Variants in MYH9 observed in about 807,000 individuals in gnomAD.
The protein encoded by MYH9 is myosin-9.
Under a neutral mutation model 241.9 loss-of-function variants are expected in MYH9, and 29 were observed. That is an observed-to-expected ratio of 0.12 (90% confidence interval 0.09 to 0.16). The LOEUF (loss-of-function observed/expected upper bound fraction) is 0.16. MYH9 is among the 10% of genes least tolerant of loss of function. The pLI is 1.00. For missense variants in MYH9, 1,803 were observed against 2,595.5 expected, an observed-to-expected ratio of 0.69 and a Z score of 6.63; for synonymous variants, 1,047 against 1,062.6, an observed-to-expected ratio of 0.99 and a Z score of 0.29.
At chr22:36,355,000 C>CACACACACACAG (rs3220842) in intron 1 of MYH9, among the ~76,000 whole-genome samples, 1 of 149,798 alleles carries the variant, frequency 6.7e-6, no homozygotes, top group African/African-American at 2.5e-5. Flanking sequence ...CACACACACA[C>CACACACACACAG]AGAGGAAAGA....
chr22:36,285,463 G>A lies in MYH9; in HGVS notation c.5275-134C>T. On this transcript the variant is annotated intron_variant, in intron 37 of 40. Coordinates refer to ENST00000216181, the MANE Select transcript of MYH9 (RefSeq NM_002473.6). The surrounding 1 kb of genome is among the most constrained non-coding windows in gnomAD (Gnocchi z 7.0). ...AGAGTCTTGGGTCTCCCAGAAAAGG[G>A]AAGATTAGAAACTTCTGAACACCCA... 3 of 1,308,374 alleles carry A rather than the reference G, an allele frequency of 2.3e-6. No homozygotes were observed. The highest frequency in any genetic ancestry group is 3.2e-6 in the Non-Finnish European group (3 of 929,426). The allele number at this position is 1,308,374 out of a possible 1,614,324, so 81.0% of individuals were successfully genotyped here.
rs767159531 is a variant in MYH9, at chr22:36,293,227, G to A, written c.4095+102C>T. The A allele has an allele frequency of 1.3e-6, 2 of 1,494,104 alleles. No homozygotes were observed. The highest frequency in any genetic ancestry group is 1.8e-6 in the Non-Finnish European group (2 of 1,088,600). 92.6% of individuals were successfully genotyped at this position (1,494,104 alleles called of 1,614,324 possible). A position where few individuals can be genotyped will look rare whatever the true frequency, so the allele number is the denominator to read the frequency against. ...GGCTTCCCAGGGGGAGAGCAGCAAT[G>A]GGCCGGCCCAGCGGGCAGGGCTGTC... On this transcript the variant is annotated intron_variant, in intron 30 of 40. Transcript: ENST00000216181. The surrounding 1 kb of genome is among the most constrained non-coding windows in gnomAD (Gnocchi z 5.1).
rs773477902 is a variant in MYH9 at position 36,286,702 on chromosome 22, T to C, written c.5061+16A>G. Reference sequence around the variant, plus strand: ...CGCAGGGCAGCGGTGCCGCTCTCCATTGCAGCCCCACCCACCTCCTGCAAC... The same window carrying C: ...CGCAGGGCAGCGGTGCCGCTCTCCACTGCAGCCCCACCCACCTCCTGCAAC... On this transcript the variant is annotated intron_variant, in intron 35 of 40. Coordinates refer to ENST00000216181, the MANE Select transcript of MYH9 (RefSeq NM_002473.6). The C allele has an allele frequency of 1.2e-6, 2 of 1,611,124 alleles. No homozygotes were observed. The highest frequency in any genetic ancestry group is 2.2e-5 in the East Asian group (1 of 44,878).
chr22:36,326,538 G>A (rs751727511), intron 5 of MYH9, 30 bp downstream of exon 5: 16 of 1,597,478 alleles, frequency 1.0e-5, no homozygotes, highest in Admixed American at 8.3e-5. Context: ...CCAAGCAGGC[G>A]GCCACAGGGA....
chr22:36,382,072 C>T (rs774346942), intron 1 of MYH9, among the ~76,000 whole-genome samples: 8 of 152,136 alleles, frequency 5.3e-5, no homozygotes, highest in Non-Finnish European at 1.2e-4. Flanking sequence ...AAGCAATCCT[C>T]CCCCATTGGC....
intron 1 of MYH9, among the ~76,000 whole-genome samples, chr22:36,381,799 G>A (rs1464822948): frequency 6.6e-6 from 1 of 152,150 alleles, no homozygotes; most frequent in Non-Finnish European, 1.5e-5. Context: ...CTGTACAGCT[G>A]TACCATGATT....
chr22:36,298,882 G>GC (rs1569535144), intron 24 of MYH9, 37 bp downstream of exon 24: 3 of 1,611,018 alleles, frequency 1.9e-6, no homozygotes, highest in Admixed American at 1.7e-5. Context: ...TTGCCCGCCA[G>GC]CCCCTGCCCA....
intron 1 of MYH9, among the ~76,000 whole-genome samples, chr22:36,365,617 T>A (rs552655751): frequency 5.3e-4 from 80 of 152,026 alleles, no homozygotes; most frequent in Non-Finnish European, 8.5e-4. Flanking sequence ...TGCACCACCG[T>A]ACCCAGCTAA....
At chr22:36,353,368 CTT>C (rs1011826087) in intron 1 of MYH9, among the ~76,000 whole-genome samples, 1 of 149,782 alleles carries the variant, frequency 6.7e-6, no homozygotes, top group Admixed American at 6.7e-5. Context: ...CTCTTTGAAA[CTT>C]TTTTTTTTGA....
At chr22:36,312,694 A>G (rs1463967024) in intron 13 of MYH9, among the ~76,000 whole-genome samples, 1 of 152,204 alleles carries the variant, frequency 6.6e-6, no homozygotes, top group Non-Finnish European at 1.5e-5. Context: ...CCTTCTGCAC[A>G]CTGAGTTTAC....
Position 36,320,153 on chromosome 22 carries a change from G to A in MYH9, c.1012+67C>T. 1 of 1,551,362 alleles carries A rather than the reference G, an allele frequency of 6.4e-7. No homozygotes were observed. The highest frequency in any genetic ancestry group is 2.2e-5 in the East Asian group (1 of 44,684). ...CCCCAGGCCCATCGGCTACCCTGAT[G>A]CCCCGAGGCCGTGGGTACCAGCCTT... On this transcript the variant is annotated intron_variant, in intron 9 of 40. Coordinates refer to ENST00000216181, the MANE Select transcript of MYH9 (RefSeq NM_002473.6). The surrounding 1 kb of genome is among the most constrained non-coding windows in gnomAD (Gnocchi z 4.8).
rs1201782073 is a variant in MYH9 at position 36,282,520 on chromosome 22, G to T, written c.*148C>A. On this transcript the variant is annotated 3_prime_UTR_variant, in exon 41 of 41. Coordinates refer to ENST00000216181, the MANE Select transcript of MYH9 (RefSeq NM_002473.6). The stretch of plus-strand genomic sequence containing the variant: ...AAATGCCCTCAACAACACCTGGAGG[G>T]AAACGGGATGGGGGGACGGGGCGGA... 5 of 819,766 alleles carry T rather than the reference G, an allele frequency of 6.1e-6. No individual in the cohort carries two copies. Among genetic ancestry groups the T allele is most frequent in the Non-Finnish European group, 8.5e-6 (4 of 469,326 alleles). 50.8% of individuals were successfully genotyped at this position (819,766 alleles called of 1,614,324 possible).
chr22:36,303,945 G>C (rs2016928979), intron 19 of MYH9, 50 bp downstream of exon 19: 2 of 1,606,910 alleles, frequency 1.2e-6, no homozygotes, highest in Non-Finnish European at 8.5e-7. Flanking sequence ...GGCAACAGAA[G>C]GGCGTGGCAA....
At position 36,302,684 on chromosome 22, in the gene MYH9, G is replaced by T. The variant is rs779684452; in HGVS notation, c.2391-8C>A. On this transcript the variant is annotated splice_region_variant and splice_polypyrimidine_tract_variant and intron_variant, in intron 19 of 40. Coordinates refer to ENST00000216181, the MANE Select transcript of MYH9 (RefSeq NM_002473.6). ...TGCCGCTTGGCAAATGCTCTGTGTG[G>T]TGAGGAACATGGTCAGCGCGGAGCA... 1.9e-6 allele frequency: 3 copies of T among 1,612,150 alleles called. No homozygotes were observed. The highest frequency in any genetic ancestry group is 2.5e-6 in the Non-Finnish European group (3 of 1,178,884).
In MYH9 at chr22:36,341,373, G is replaced by T; in HGVS notation, c.487C>A (p.Gln163Lys). Residue 163 changes from glutamine to lysine, a missense_variant, in exon 3 of 41, where the codon CAA (glutamine) becomes AAA (lysine). Coordinates refer to ENST00000216181, the MANE Select transcript of MYH9 (RefSeq NM_002473.6). The part of the protein sequence containing the change: ...ITDTAYRSMM[Q>K]DREDQSILCT... ...GGGCACACACTACGTCACCCACCTT[G>T]CATCATACTCCTGTAGGCGGTGTCT... 6.2e-7 allele frequency: 1 copy of T among 1,613,786 alleles called. No homozygotes were observed. Among genetic ancestry groups the T allele is most frequent in the Non-Finnish European group, 8.5e-7 (1 of 1,179,816 alleles).
rs1208774519 is a variant in MYH9, at chr22:36,307,849, T to C, written c.1844-1242A>G. Reference sequence around the variant, plus strand: ...GTTGCAGTGAGCCGAGATTGCACCATGGCACTCCAGCCTGGGTGACAAGAA... The same window carrying C: ...GTTGCAGTGAGCCGAGATTGCACCACGGCACTCCAGCCTGGGTGACAAGAA... On this transcript the variant is annotated intron_variant, in intron 15 of 40. Transcript: ENST00000216181. 2.0e-5 allele frequency among the ~76,000 whole-genome samples: 3 copies of C among 148,272 alleles called. No individual in the cohort carries two copies. The Admixed American group carries it at 2.0e-4, about 10-fold the overall frequency.
chr22:36,370,081 A>G (rs2018067362), intron 1 of MYH9, among the ~76,000 whole-genome samples: 1 of 152,272 alleles, frequency 6.6e-6, no homozygotes, highest in African/African-American at 2.4e-5. Context: ...TATAAACAAT[A>G]AAGCTATACT....
intron 28 of MYH9, 74 bp downstream of exon 28, chr22:36,294,018 A>G: frequency 1.3e-6 from 2 of 1,545,774 alleles, no homozygotes; most frequent in South Asian, 2.2e-5. Context: ...GAGAGCACAC[A>G]TGCACCTGGG....
At chr22:36,287,025 C>A in intron 34 of MYH9, 179 bp from the exon 35 acceptor site, 1 of 775,164 alleles carries the variant, frequency 1.3e-6, no homozygotes, top group Non-Finnish European at 2.1e-6. Flanking sequence ...TGTATCCCAC[C>A]CCGTAATGCA....
Sources: allele counts gnomAD v4.1 joint callset (sites outside exome capture counted in the v4.1 genomes callset), GRCh38; gene constraint gnomAD v4.1.1; non-coding constraint Gnocchi (gnomAD v3.1); transcripts MANE v1.5; gene names NCBI Gene and HGNC (gene_info 2026-07-23, HGNC 2026-07-21).